Variants in CIB2 observed in about 807,000 individuals in gnomAD.
The protein encoded by CIB2 is calcium and integrin binding family member 2.
Under a neutral mutation model 23.1 loss-of-function variants are expected in CIB2, and 19 were observed. The ratio of observed to expected loss-of-function variants is 0.82; its 90% CI spans 0.57 to 1.21. CIB2 has a LOEUF of 1.21. Ranked by LOEUF, CIB2 falls within the 50% of genes most tolerant of loss-of-function variation. The probability of loss-of-function intolerance (pLI) is 0.00; values close to 1 mark genes in which losing one functional copy is unlikely to be tolerated. For missense variants in CIB2, 220 were observed against 241.5 expected (o/e 0.91, Z 0.59); for synonymous variants, 94 against 91.7 (o/e 1.03, Z -0.14).
At chr15:78,115,676 CTTTTTTT>C (rs56754406) in intron 2 of CIB2, among the ~76,000 whole-genome samples, 9 of 71,296 alleles carry the variant, frequency 1.3e-4, no homozygotes, top group Admixed American at 5.7e-4. Context: ...ATCTCCTTCT[CTTTTTTT>C]TTTTTTTTTT....
rs190245609 is a variant in CIB2, at chr15:78,114,875, A to C, written c.87-3599T>G. 9.9e-5 allele frequency among the ~76,000 whole-genome samples: 15 copies of C among 151,986 alleles called. No individual in the cohort carries two copies. In the East Asian group the frequency reaches 2.7e-3, roughly 27 times the overall value. ...AAGTAGGAGGATCTCTAGCCTGGGC[A>C]ACAGAGTGAGACCCTGTCTCTAAAA... On this transcript the variant is annotated intron_variant, in intron 2 of 5. Coordinates refer to ENST00000258930, the MANE Select transcript of CIB2 (RefSeq NM_006383.4).
chr15:78,107,023 T>C lies in CIB2; in HGVS notation c.347-1089A>G, dbSNP rs535238510. Among the ~76,000 whole-genome samples, 362 of 151,832 alleles carry C rather than the reference T, an allele frequency of 2.4e-3. 1 individual carries two copies. The highest frequency in any genetic ancestry group is 4.2e-3 in the Non-Finnish European group (285 of 67,938). On this transcript the variant is annotated intron_variant, in intron 4 of 5. Transcript: ENST00000258930. ...GTGGGTGGATCACGAGGCCAGGAGA[T>C]TGAGACCATCCTGGCTAACACGGTG...
chr15:78,105,808 A>C lies in CIB2; in HGVS notation c.473T>G (p.Leu158Trp), dbSNP rs200331478. 3.3e-4 allele frequency: 533 copies of C among 1,614,060 alleles called. No individual in the cohort carries two copies. The highest frequency in any genetic ancestry group is 4.4e-4 in the Non-Finnish European group (523 of 1,180,040). ...VCDKVIEEADLDGDGKLGFAD... is the reference protein window; with the variant it reads ...VCDKVIEEADWDGDGKLGFAD... ...AAAGCCCAGCTTGCCGTCACCGTCC[A>C]AGTCAGCCTCCTCAATGACCTTGTC... The change falls in exon 5 of 6, where the codon TTG becomes TGG. Residue 158 changes from leucine to tryptophan, a missense_variant. By Grantham distance (61) the Leu-to-Trp change is moderately conservative (BLOSUM62 -2). Coordinates refer to ENST00000258930, the MANE Select transcript of CIB2 (RefSeq NM_006383.4).
At chr15:78,121,555 G>A (rs1390634113) in intron 2 of CIB2, among the ~76,000 whole-genome samples, 4 of 152,124 alleles carry the variant, frequency 2.6e-5, no homozygotes, top group South Asian at 2.1e-4. Context: ...ATTGAATCAT[G>A]GGGGCAGTTA....
chr15:78,123,573 C>G (rs2074346007), intron 2 of CIB2, 132 bp downstream of exon 2: 5 of 919,416 alleles, frequency 5.4e-6, no homozygotes, highest in East Asian at 2.4e-5. Context: ...GAGTGGGGAC[C>G]TGAATGTGGC....
At chr15:78,124,316 A>C (rs924607558) in intron 1 of CIB2, among the ~76,000 whole-genome samples, 1 of 151,620 alleles carries the variant, frequency 6.6e-6, no homozygotes, top group Admixed American at 6.6e-5. Context: ...GGCCAGGGAG[A>C]TATGGGAGGG....
At chr15:78,124,056 C>T (rs998002131) in intron 1 of CIB2, among the ~76,000 whole-genome samples, 1 of 152,020 alleles carries the variant, frequency 6.6e-6, no homozygotes, top group Non-Finnish European at 1.5e-5. Context: ...GATTTGAGTG[C>T]CAGTGGGATA....
intron 5 of CIB2, 74 bp downstream of exon 5, chr15:78,105,665 T>C: frequency 1.2e-6 from 2 of 1,607,246 alleles, no homozygotes; most frequent in South Asian, 1.1e-5. Flanking sequence ...TAGCGAGTGA[T>C]AGGGGCCTCA....
rs952374591 is a variant in CIB2 at position 78,123,858 on chromosome 15, C to G, written c.52-119G>C. 5 of 1,129,076 alleles carry G rather than the reference C, an allele frequency of 4.4e-6. No individual in the cohort carries two copies. In the African/African-American group the frequency reaches 6.1e-5, roughly 14 times the overall value. The allele number at this position is 1,129,076 out of a possible 1,614,324, so 69.9% of individuals were successfully genotyped here. On this transcript the variant is annotated intron_variant, in intron 1 of 5. Transcript: ENST00000258930. ...CTCCGGACTGGGGACAGAAGAGTCA[C>G]TACTATCCCTTTCCACCTTGCCCTC... is the stretch of plus-strand genomic sequence containing the variant.
Position 78,119,623 on chromosome 15 carries a change from G to C in CIB2, c.86+4082C>G, listed in dbSNP as rs534905853. On this transcript the variant is annotated intron_variant, in intron 2 of 5. Transcript: ENST00000258930. ...GCTTTGTAGCCCAGGCTGGAGTGAA[G>C]TGGCATGATCTCGGCTCACTGCAAC... 2.0e-5 allele frequency among the ~76,000 whole-genome samples: 3 copies of C among 151,950 alleles called. No individual in the cohort carries two copies. In the East Asian group the frequency reaches 5.8e-4, roughly 29 times the overall value.
At chr15:78,122,032 C>G (rs1163479099) in intron 2 of CIB2, among the ~76,000 whole-genome samples, 1 of 152,164 alleles carries the variant, frequency 6.6e-6, no homozygotes, top group Non-Finnish European at 1.5e-5. Context: ...TGTCTTTCAC[C>G]CACACACTCT....
chr15:78,130,211 G>A (rs2074434891), intron 1 of CIB2, among the ~76,000 whole-genome samples: 1 of 152,026 alleles, frequency 6.6e-6, no homozygotes, highest in Non-Finnish European at 1.5e-5. Flanking sequence ...AGAGGCATCA[G>A]ATGTGGGACT....
intron 1 of CIB2, among the ~76,000 whole-genome samples, chr15:78,127,937 C>T (rs906396739): frequency 1.3e-5 from 2 of 152,238 alleles, no homozygotes; most frequent in Non-Finnish European, 2.9e-5. Context: ...GCATCAACTA[C>T]CCAGCTGACT....
intron 4 of CIB2, among the ~76,000 whole-genome samples, chr15:78,107,045 G>T (rs533068895): frequency 2.4e-4 from 36 of 151,828 alleles, no homozygotes; most frequent in African/African-American, 8.2e-4. Flanking sequence ...TGGCTAACAC[G>T]GTGAAACCCC....
chr15:78,120,815 G>A, intron 2 of CIB2: 1 of 868,148 alleles, frequency 1.2e-6, no homozygotes, highest in Non-Finnish European at 1.4e-6. Flanking sequence ...AGTACGCAGG[G>A]AGCAGCTTAC....
chr15:78,128,707 A>AGGGGGG, intron 1 of CIB2, among the ~76,000 whole-genome samples: 1 of 151,752 alleles, frequency 6.6e-6, no homozygotes, highest in African/African-American at 2.4e-5. Flanking sequence ...AAAAAAAAAA[A>AGGGGGG]AGGAAGAGAA....
At chr15:78,129,192 A>G (rs764219759) in intron 1 of CIB2, among the ~76,000 whole-genome samples, 21 of 152,044 alleles carry the variant, frequency 1.4e-4, no homozygotes, top group Non-Finnish European at 2.5e-4. Flanking sequence ...GCTGTAACTC[A>G]GGCTCACCCC....
At position 78,105,803 on chromosome 15, in the gene CIB2, C is replaced by T. The variant is rs753714402; in HGVS notation, c.478G>A (p.Gly160Ser). Residue 160 changes from glycine (G) to serine (S), a missense_variant, in exon 5 of 6, where the codon GGT becomes AGT. Coordinates refer to ENST00000258930, the MANE Select transcript of CIB2 (RefSeq NM_006383.4). The part of the protein sequence containing the change: ...DKVIEEADLD[G>S]DGKLGFADFE... ...TCAGCAAAGCCCAGCTTGCCGTCAC[C>T]GTCCAAGTCAGCCTCCTCAATGACC... The T allele has an allele frequency of 6.8e-6, 11 of 1,614,086 alleles. No individual in the cohort carries two copies. The Admixed American group carries it at 1.2e-4, about 17-fold the overall frequency.
At chr15:78,107,092 G>A (rs995513781) in intron 4 of CIB2, among the ~76,000 whole-genome samples, 5 of 152,000 alleles carry the variant, frequency 3.3e-5, no homozygotes, top group South Asian at 2.1e-4. Flanking sequence ...AAAATTAGCC[G>A]GGCGTGGTGG....
Sources: gnomAD v4.1 joint callset for allele counts (sites outside exome capture counted in the v4.1 genomes callset) on GRCh38, gnomAD v4.1.1 for gene constraint, MANE v1.5 for transcripts, NCBI Gene and HGNC (gene_info 2026-07-23, HGNC 2026-07-21) for gene names.